NRG1: variants seen among roughly 807,000 people sequenced by gnomAD.
The protein encoded by NRG1 is neuregulin 1, also known as pro-neuregulin-1, membrane-bound isoform.
In NRG1, 18 loss-of-function variants were observed where a neutral mutation model predicts 63.8. The ratio of observed to expected loss-of-function variants is 0.28; its 90% CI spans 0.19 to 0.42. The LOEUF is 0.42. NRG1 is among the 10% of genes least tolerant of loss of function. The pLI is 1.00. For missense variants in NRG1, 762 were observed against 814.7 expected, an observed-to-expected ratio of 0.94 and a Z score of 0.79; for synonymous variants, 302 against 301.3, an observed-to-expected ratio of 1.00 and a Z score of -0.02.
intron 5 of NRG1, among the ~76,000 whole-genome samples, chr8:32,718,686 C>G (rs1287208241): frequency 6.6e-6 from 1 of 152,158 alleles, no homozygotes; most frequent in Admixed American, 6.6e-5. Context: ...CACCACCAAA[C>G]ATGACATTTA....
chr8:32,434,451 C>T (rs1336114991), intron 1 of NRG1, among the ~76,000 whole-genome samples: 1 of 152,068 alleles, frequency 6.6e-6, no homozygotes, highest in African/African-American at 2.4e-5. Flanking sequence ...GCACATGCTC[C>T]TATACTTTAC....
rs1007095396 is a variant in NRG1 at position 32,557,704 on chromosome 8, G to A, written c.100+8878G>A. Among the ~76,000 whole-genome samples the A allele has an allele frequency of 2.6e-5, 4 of 152,002 alleles. No homozygotes were observed. The South Asian group carries it at 8.3e-4, about 32-fold the overall frequency. On this transcript the variant is annotated intron_variant, in intron 1 of 11. Coordinates refer to ENST00000356819, the Ensembl canonical transcript of NRG1. ...TTGCTGTAGAGTTGGAACCTTCCCG[G>A]GGGATTGCTCATGCATTATCCATTT...
intron 1 of NRG1, among the ~76,000 whole-genome samples, chr8:32,222,675 T>C (rs1194921086): frequency 1.3e-5 from 2 of 152,142 alleles, no homozygotes; most frequent in East Asian, 1.9e-4. Context: ...CCTTAATTTT[T>C]CCCCCACTGT....
rs1816804269 is a variant in NRG1 at position 32,707,795 on chromosome 8, C to T, written c.503-20154C>T. 1.3e-5 allele frequency among the ~76,000 whole-genome samples: 2 copies of T among 151,488 alleles called. 1 individual carries two copies. Among genetic ancestry groups the T allele is most frequent in the South Asian group, 4.2e-4 (2 of 4,808 alleles). Reference sequence around the variant, plus strand: ...TGCAGTTTTCTTTCAGAAAATTGGGCTTTTGTATTAAATAATGCTAGTCCA... The same window carrying T: ...TGCAGTTTTCTTTCAGAAAATTGGGTTTTTGTATTAAATAATGCTAGTCCA... On this transcript the variant is annotated intron_variant, in intron 5 of 11. Coordinates refer to ENST00000356819, the Ensembl canonical transcript of NRG1.
intron 1 of NRG1, among the ~76,000 whole-genome samples, chr8:32,469,412 G>T (rs180686776): frequency 2.0e-4 from 31 of 152,242 alleles, no homozygotes; most frequent in African/African-American, 7.5e-4. Context: ...CCAAGTTTGG[G>T]GCCAGAGAAA....
At chr8:32,721,148 T>A (rs753165870) in intron 5 of NRG1, among the ~76,000 whole-genome samples, 20 of 152,214 alleles carry the variant, frequency 1.3e-4, no homozygotes, top group Non-Finnish European at 2.9e-4. Flanking sequence ...CCTTCCCCTG[T>A]GCACTTTTGT....
At chr8:31,757,073 T>C (rs1034035204) in intron 1 of NRG1, among the ~76,000 whole-genome samples, 3 of 152,200 alleles carry the variant, frequency 2.0e-5, no homozygotes, top group Non-Finnish European at 4.4e-5. Context: ...ACTTATTTTA[T>C]AAGAAAAGGA....
chr8:31,936,703 C>A (rs892168352), intron 1 of NRG1, among the ~76,000 whole-genome samples: 1 of 152,206 alleles, frequency 6.6e-6, no homozygotes, highest in Non-Finnish European at 1.5e-5. Flanking sequence ...TAGGATTAGA[C>A]TAGTCATCCT....
At chr8:31,966,664 A>T (rs1806384549) in intron 1 of NRG1, among the ~76,000 whole-genome samples, 1 of 152,204 alleles carries the variant, frequency 6.6e-6, no homozygotes, top group Non-Finnish European at 1.5e-5. Flanking sequence ...TCCCTCAGCC[A>T]ATTCCAAACT....
chr8:32,010,527 CT>C (rs1183305107), intron 1 of NRG1, among the ~76,000 whole-genome samples: 1 of 152,006 alleles, frequency 6.6e-6, no homozygotes, highest in African/African-American at 2.4e-5. Flanking sequence ...TGGTACATTA[CT>C]TTTTTTTAAA....
intron 1 of NRG1, among the ~76,000 whole-genome samples, chr8:31,956,048 A>AC (rs1272548171): frequency 6.7e-6 from 1 of 148,848 alleles, no homozygotes; most frequent in Non-Finnish European, 1.5e-5. Flanking sequence ...CTCAAAAAAA[A>AC]AAAAACAAAA....
chr8:32,428,801 C>A (rs549802106), intron 1 of NRG1, among the ~76,000 whole-genome samples: 41 of 152,298 alleles, frequency 2.7e-4, no homozygotes, highest in African/African-American at 9.6e-4. Context: ...CCTGACCTCC[C>A]TTGAAGATGT....
At chr8:31,700,310 A>G (rs1319474131) in intron 1 of NRG1, among the ~76,000 whole-genome samples, 1 of 152,066 alleles carries the variant, frequency 6.6e-6, no homozygotes, top group African/African-American at 2.4e-5. Flanking sequence ...TTCTTGATAG[A>G]CTTTTAGTTG....
At chr8:32,721,033 A>G (rs1820494749) in intron 5 of NRG1, among the ~76,000 whole-genome samples, 1 of 152,204 alleles carries the variant, frequency 6.6e-6, no homozygotes, top group Admixed American at 6.5e-5. Flanking sequence ...ATTCTGCTGA[A>G]TAGGAAGAAA....
intron 1 of NRG1, among the ~76,000 whole-genome samples, chr8:32,385,382 C>A (rs1810883729): frequency 6.6e-6 from 1 of 152,080 alleles, no homozygotes; most frequent in African/African-American, 2.4e-5. Flanking sequence ...CAACCAACAG[C>A]AAATAACCCT....
At chr8:32,524,967 G>C (rs1424950813) in intron 1 of NRG1, among the ~76,000 whole-genome samples, 3 of 152,188 alleles carry the variant, frequency 2.0e-5, no homozygotes, top group Non-Finnish European at 4.4e-5. Flanking sequence ...AGTAGGAAAA[G>C]CTTTTCCGTT....
chr8:31,865,750 C>A (rs1387427249), intron 1 of NRG1, among the ~76,000 whole-genome samples: 1 of 152,138 alleles, frequency 6.6e-6, no homozygotes, highest in Non-Finnish European at 1.5e-5. Flanking sequence ...AAACCTCTTT[C>A]CATTATAAAT....
At chr8:32,252,882 T>G (rs2129470754) in intron 1 of NRG1, among the ~76,000 whole-genome samples, 1 of 152,314 alleles carries the variant, frequency 6.6e-6, no homozygotes, top group South Asian at 2.1e-4. Context: ...GAGCAGTGGT[T>G]TGTAGTTCTC....
At chr8:32,594,054 T>C (rs956366514) in intron 1 of NRG1, among the ~76,000 whole-genome samples, 1 of 152,146 alleles carries the variant, frequency 6.6e-6, no homozygotes, top group African/African-American at 2.4e-5. Context: ...AATCACAGCA[T>C]TCAAATGATT....
Sources: gnomAD v4.1 joint callset for allele counts (sites outside exome capture counted in the v4.1 genomes callset) on GRCh38, gnomAD v4.1.1 for gene constraint, MANE v1.5 for transcripts, NCBI Gene and HGNC (gene_info 2026-07-23, HGNC 2026-07-21) for gene names.